KCNIP4: variants seen among roughly 807,000 people sequenced by gnomAD.
KCNIP4 encodes Kv channel-interacting protein 4.
KCNIP4 carries 12 observed loss-of-function variants against 34.0 expected under a neutral mutation model. The observed-to-expected ratio is 0.35, with a 90% CI of 0.23 to 0.57. KCNIP4 has a LOEUF of 0.57. Among genes scored for constraint, KCNIP4 ranks in the 20% least tolerant of loss-of-function variants. KCNIP4 has a pLI of 0.83. For synonymous variants in KCNIP4, 124 were observed against 102.2 expected (o/e 1.21, Z -1.29); for missense variants, 238 against 311.7 (o/e 0.76, Z 1.78).
intron 4 of KCNIP4, among the ~76,000 whole-genome samples, chr4:20,756,736 C>T (rs1256470168): frequency 6.6e-6 from 1 of 152,040 alleles, no homozygotes; most frequent in Non-Finnish European, 1.5e-5. Context: ...CCAAAGAGAC[C>T]TTCTGATCCT....
intron 1 of KCNIP4, among the ~76,000 whole-genome samples, chr4:21,680,759 G>A (rs532043615): frequency 2.0e-5 from 3 of 152,186 alleles, no homozygotes; most frequent in Non-Finnish European, 4.4e-5. Context: ...CATTTTGAAA[G>A]TAATCATTTT....
intron 1 of KCNIP4, among the ~76,000 whole-genome samples, chr4:21,285,945 A>G (rs534525034): frequency 2.6e-5 from 4 of 152,338 alleles, no homozygotes; most frequent in Admixed American, 2.6e-4. Flanking sequence ...AGATAGCATG[A>G]CTTATTGCAA....
At chr4:21,598,360 T>C (rs1742821926) in intron 1 of KCNIP4, among the ~76,000 whole-genome samples, 1 of 152,134 alleles carries the variant, frequency 6.6e-6, no homozygotes, top group Non-Finnish European at 1.5e-5. Context: ...CAGAAAACTT[T>C]GTAAAGCATC....
chr4:21,303,879 C>T, intron 1 of KCNIP4: 1 of 1,614,060 alleles, frequency 6.2e-7, no homozygotes, highest in Non-Finnish European at 8.5e-7. Context: ...ATCAGAACTG[C>T]TATCATTTCA....
At chr4:21,948,506 C>A (rs902887106) in intron 1 of KCNIP4, 65 bp downstream of exon 1, 3 of 1,548,320 alleles carry the variant, frequency 1.9e-6, no homozygotes, top group Non-Finnish European at 1.8e-6. Flanking sequence ...AAGGGGCAGC[C>A]GTCTTGGCTC....
chr4:21,632,036 T>A (rs1213615315), intron 1 of KCNIP4, among the ~76,000 whole-genome samples: 1 of 152,234 alleles, frequency 6.6e-6, no homozygotes, highest in Non-Finnish European at 1.5e-5. Flanking sequence ...GGAAACTCCC[T>A]CAGCTTTTAA....
intron 1 of KCNIP4, among the ~76,000 whole-genome samples, chr4:21,422,657 GTT>G (rs1491527925): frequency 1.7e-5 from 2 of 115,602 alleles, no homozygotes; most frequent in South Asian, 3.0e-4. Context: ...TTATGTGTGT[GTT>G]TGTGTGTGTG....
At chr4:21,798,783 G>GT (rs572949952) in intron 1 of KCNIP4, among the ~76,000 whole-genome samples, 74 of 152,000 alleles carry the variant, frequency 4.9e-4, no homozygotes, top group African/African-American at 1.8e-3. Context: ...TGCACACTTA[G>GT]AAGGCATATG....
intron 1 of KCNIP4, among the ~76,000 whole-genome samples, chr4:21,238,078 C>G (rs11946929): frequency 4.0e-5 from 6 of 151,852 alleles, no homozygotes; most frequent in Non-Finnish European, 5.9e-5. Flanking sequence ...GTTCAACATA[C>G]GCAAATCAAT....
At chr4:21,765,819 G>GAA (rs374486594) in intron 1 of KCNIP4, among the ~76,000 whole-genome samples, 3,116 of 94,864 alleles carry the variant, frequency 0.033, 164 homozygotes, top group Non-Finnish European at 0.05. Flanking sequence ...ACCAGGCCGT[G>GAA]AAAAAAAAAA....
At chr4:21,519,514 A>G in intron 1 of KCNIP4, among the ~76,000 whole-genome samples, 1 of 111,410 alleles carries the variant, frequency 9.0e-6, no homozygotes, top group East Asian at 3.0e-4. Flanking sequence ...ATGTGTATAT[A>G]CACATATGTG....
At chr4:20,734,813 G>A in intron 5 of KCNIP4, 78 bp from the exon 6 acceptor site, 1 of 732,264 alleles carries the variant, frequency 1.4e-6, no homozygotes. Context: ...ATGTAAGTAA[G>A]GGCTACAACC....
In KCNIP4 at chr4:21,369,913, T is replaced by C. The variant is rs1469287585; in HGVS notation, c.62-487204A>G. ...CTCTGCTCACTGCAAGCTCTGTCTC[T>C]GCCTCCCGGGTTCACACCATTCTCC... On this transcript the variant is annotated intron_variant, in intron 1 of 8. Transcript: ENST00000382152. Among the ~76,000 whole-genome samples the C allele has an allele frequency of 3.4e-5, 5 of 145,546 alleles. 1 individual carries two copies. Among genetic ancestry groups the C allele is most frequent in the African/African-American group, 1.4e-4 (5 of 35,804 alleles).
chr4:21,795,149 G>A (rs1397773117), intron 1 of KCNIP4, among the ~76,000 whole-genome samples: 2 of 152,100 alleles, frequency 1.3e-5, no homozygotes. Context: ...TGAGGCCACC[G>A]GGGTGAGCAC....
At chr4:21,483,649 G>C (rs1449510132) in intron 1 of KCNIP4, among the ~76,000 whole-genome samples, 1 of 152,054 alleles carries the variant, frequency 6.6e-6, no homozygotes, top group African/African-American at 2.4e-5. Flanking sequence ...AATTAGCCAG[G>C]TGTGGTGGCA....
intron 1 of KCNIP4, among the ~76,000 whole-genome samples, chr4:21,151,405 AATTTTTTTTTTTTT>A (rs1353722156): frequency 1.1e-5 from 1 of 93,512 alleles, no homozygotes; most frequent in African/African-American, 4.0e-5. Context: ...AACAAAAGAC[AATTTTTTTTTTTTT>A]TTTTTTTTTT....
At chr4:21,741,692 A>G (rs899832236) in intron 1 of KCNIP4, among the ~76,000 whole-genome samples, 1 of 152,282 alleles carries the variant, frequency 6.6e-6, no homozygotes, top group East Asian at 1.9e-4. Context: ...CTTTTGAAAC[A>G]CTGGGATTTA....
intron 1 of KCNIP4, among the ~76,000 whole-genome samples, chr4:21,854,389 C>T (rs780751516): frequency 6.6e-6 from 1 of 152,194 alleles, no homozygotes; most frequent in Non-Finnish European, 1.5e-5. Context: ...TGCTTCTCAT[C>T]CCACATATTA....
intron 2 of KCNIP4, among the ~76,000 whole-genome samples, chr4:20,874,793 G>A (rs1723831554): frequency 6.6e-6 from 1 of 151,556 alleles, no homozygotes; most frequent in African/African-American, 2.4e-5. Flanking sequence ...TTTAAAACTT[G>A]TAAAAGCCCA....
Sources: gnomAD v4.1 joint callset for allele counts (sites outside exome capture counted in the v4.1 genomes callset) on GRCh38, gnomAD v4.1.1 for gene constraint, MANE v1.5 for transcripts, NCBI Gene and HGNC (gene_info 2026-07-23, HGNC 2026-07-21) for gene names.